CNTNAP2: variants seen among roughly 807,000 people sequenced by gnomAD.
CNTNAP2 encodes the protein contactin-associated protein-like 2.
In CNTNAP2, 98 loss-of-function variants were observed where a neutral mutation model predicts 155.2. The ratio of observed to expected loss-of-function variants is 0.63; its 90% CI spans 0.54 to 0.75. The LOEUF is 0.75. Ranked by LOEUF, CNTNAP2 falls within the 30% of genes least tolerant of loss-of-function variation. The pLI is 0.00. For synonymous variants in CNTNAP2, 651 were observed against 631.2 expected, an observed-to-expected ratio of 1.03 and a Z score of -0.47; for missense variants, 1,727 against 1,688.1, an observed-to-expected ratio of 1.02 and a Z score of -0.40.
chr7:148,269,062 T>C (rs563536595), intron 21 of CNTNAP2, among the ~76,000 whole-genome samples: 2 of 152,116 alleles, frequency 1.3e-5, no homozygotes, highest in East Asian at 3.9e-4. Flanking sequence ...TTCCTGGGTT[T>C]AGAACCAGGA....
At chr7:147,936,295 A>ATT (rs1387621652) in intron 14 of CNTNAP2, among the ~76,000 whole-genome samples, 3 of 115,240 alleles carry the variant, frequency 2.6e-5, no homozygotes, top group South Asian at 3.1e-4. Context: ...CACGACATTT[A>ATT]TTTTATTTTT....
At chr7:148,216,115 C>A (rs1051280784) in intron 18 of CNTNAP2, among the ~76,000 whole-genome samples, 17 of 152,166 alleles carry the variant, frequency 1.1e-4, no homozygotes, top group Admixed American at 1.1e-3. Context: ...TGGCACAGCC[C>A]TTCACAGTGA....
At chr7:148,364,632 T>G (rs1798697023) in intron 21 of CNTNAP2, among the ~76,000 whole-genome samples, 1 of 152,028 alleles carries the variant, frequency 6.6e-6, no homozygotes, top group Non-Finnish European at 1.5e-5. Context: ...GTGTGGAAAC[T>G]CTGTATCTAA....
At chr7:146,814,782 T>C (rs1303281079) in intron 2 of CNTNAP2, among the ~76,000 whole-genome samples, 1 of 152,056 alleles carries the variant, frequency 6.6e-6, no homozygotes, top group East Asian at 1.9e-4. Context: ...ACAAATACAG[T>C]GTATTAGGTA....
At chr7:146,822,603 A>G (rs1327764818) in intron 2 of CNTNAP2, among the ~76,000 whole-genome samples, 1 of 150,500 alleles carries the variant, frequency 6.6e-6, no homozygotes, top group South Asian at 2.1e-4. Flanking sequence ...TTTGTGAATT[A>G]GATGGTTAAC....
At chr7:146,245,751 T>C (rs1272827599) in intron 1 of CNTNAP2, among the ~76,000 whole-genome samples, 1 of 152,114 alleles carries the variant, frequency 6.6e-6, no homozygotes, top group Non-Finnish European at 1.5e-5. Context: ...CTGTGAAGCC[T>C]TGCGGCAGTA....
intron 1 of CNTNAP2, among the ~76,000 whole-genome samples, chr7:146,428,520 A>G (rs780952107): frequency 6.6e-6 from 1 of 150,734 alleles, no homozygotes; most frequent in Non-Finnish European, 1.5e-5. Flanking sequence ...TTTTTTTCAT[A>G]TGTTTGTTGG....
intron 1 of CNTNAP2, among the ~76,000 whole-genome samples, chr7:146,169,645 A>T (rs1423242684): frequency 6.6e-6 from 1 of 151,472 alleles, no homozygotes; most frequent in Non-Finnish European, 1.5e-5. Context: ...TGATCCCCTG[A>T]CAACCACCCT....
At chr7:148,203,211 A>G (rs1022422819) in intron 18 of CNTNAP2, among the ~76,000 whole-genome samples, 1 of 152,160 alleles carries the variant, frequency 6.6e-6, no homozygotes, top group Admixed American at 6.5e-5. Context: ...AATGAAAAAA[A>G]TATGTATATG....
At chr7:146,420,331 G>A (rs1795992982) in intron 1 of CNTNAP2, among the ~76,000 whole-genome samples, 1 of 151,924 alleles carries the variant, frequency 6.6e-6, no homozygotes, top group African/African-American at 2.4e-5. Flanking sequence ...TTTTTGCAAG[G>A]GTTTCTGTTA....
chr7:148,140,421 C>CTTTTTTTTT (rs750371666), intron 16 of CNTNAP2, among the ~76,000 whole-genome samples: 1 of 135,404 alleles, frequency 7.4e-6, no homozygotes, highest in African/African-American at 2.7e-5. Flanking sequence ...TTTTCTTTTT[C>CTTTTTTTTT]TTTTTTTTTT....
At chr7:147,286,934 T>G (rs1044799134) in intron 8 of CNTNAP2, among the ~76,000 whole-genome samples, 3 of 152,120 alleles carry the variant, frequency 2.0e-5, no homozygotes, top group Non-Finnish European at 4.4e-5. Flanking sequence ...AGTTTCCTTC[T>G]TCACATCACA....
intron 2 of CNTNAP2, among the ~76,000 whole-genome samples, chr7:146,778,531 C>A (rs1032412261): frequency 6.6e-6 from 1 of 152,160 alleles, no homozygotes; most frequent in Non-Finnish European, 1.5e-5. Context: ...GATTTATCCC[C>A]ACATTTTTAA....
chr7:148,202,582 G>A (rs987222916), intron 18 of CNTNAP2, among the ~76,000 whole-genome samples: 2 of 152,100 alleles, frequency 1.3e-5, no homozygotes, highest in African/African-American at 4.8e-5. Flanking sequence ...CAAAAAGAGG[G>A]GTGTGCTTGA....
chr7:146,463,724 GTA>G (rs764002939), intron 1 of CNTNAP2, among the ~76,000 whole-genome samples: 1 of 151,702 alleles, frequency 6.6e-6, no homozygotes, highest in African/African-American at 2.4e-5. Context: ...GTATATGTGT[GTA>G]TATATATAGA....
At chr7:148,227,216 G>A (rs1390652511) in intron 19 of CNTNAP2, among the ~76,000 whole-genome samples, 2 of 152,168 alleles carry the variant, frequency 1.3e-5, no homozygotes, top group Non-Finnish European at 2.9e-5. Context: ...GCCGAGTGAA[G>A]ATGAGGCCTG....
chr7:147,107,308 A>G (rs1457584283), intron 4 of CNTNAP2, among the ~76,000 whole-genome samples: 1 of 152,158 alleles, frequency 6.6e-6, no homozygotes, highest in Non-Finnish European at 1.5e-5. Flanking sequence ...AGTAGTTATC[A>G]AATGAATCCT....
intron 1 of CNTNAP2, among the ~76,000 whole-genome samples, chr7:146,723,491 A>G (rs1222989584): frequency 6.6e-6 from 1 of 152,234 alleles, no homozygotes; most frequent in African/African-American, 2.4e-5. Flanking sequence ...AATTATACCT[A>G]TCACAAAATA....
chr7:147,803,906 C>T (rs143897628), intron 13 of CNTNAP2, among the ~76,000 whole-genome samples: 29 of 152,312 alleles, frequency 1.9e-4, no homozygotes, highest in Non-Finnish European at 3.5e-4. Flanking sequence ...CTATTGCCTG[C>T]ACTTAATTTC....
Sources: gnomAD v4.1 joint callset for allele counts (sites outside exome capture counted in the v4.1 genomes callset) on GRCh38, gnomAD v4.1.1 for gene constraint, MANE v1.5 for transcripts, NCBI Gene and HGNC (gene_info 2026-07-23, HGNC 2026-07-21) for gene names.